The following ZNF90 variants were observed in gnomAD, a reference collection of about 807,000 sequenced individuals.
ZNF90 encodes zinc finger protein HTF9.
In ZNF90, 11 loss-of-function variants were observed where a neutral mutation model predicts 12.0. The ratio of observed to expected loss-of-function variants is 0.92; its 90% CI spans 0.58 to 1.52. The LOEUF (loss-of-function observed/expected upper bound fraction) is 1.52. Ranked by LOEUF, ZNF90 falls within the 40% of genes most tolerant of loss-of-function variation. ZNF90 has a pLI of 0.00. For missense variants in ZNF90, 765 were observed against 711.5 expected, an observed-to-expected ratio of 1.08 and a Z score of -0.86; for synonymous variants, 232 against 240.1, an observed-to-expected ratio of 0.97 and a Z score of 0.31.
rs782495788 is a variant in ZNF90 at position 20,120,191 on chromosome 19, C to A, written c.*831C>A. Among the ~76,000 whole-genome samples the A allele has an allele frequency of 1.7e-4, 26 of 152,142 alleles. No homozygotes were observed. Among genetic ancestry groups the A allele is most frequent in the Admixed American group, 1.7e-3 (26 of 15,266 alleles). The stretch of plus-strand genomic sequence containing the variant: ...AAGCTAGTATCCTTGAGAAAAATTG[C>A]ACAATTATAAAAAATATGGAAAACC... On this transcript the variant is annotated 3_prime_UTR_variant, in exon 4 of 4. Transcript: ENST00000418063.
rs959250249 is a variant in ZNF90, at chr19:20,108,489, T to C, written c.226+3173T>C. ...CACTCCCGGCTAATTTTTGTATTTT[T>C]AGTAGAGATGAGGATGGGGTTTCAC... On this transcript the variant is annotated intron_variant, in intron 3 of 3. Transcript: ENST00000418063. Among the ~76,000 whole-genome samples, 5 of 152,210 alleles carry C rather than the reference T, an allele frequency of 3.3e-5. No individual in the cohort carries two copies. The East Asian group carries it at 9.7e-4, about 29-fold the overall frequency.
intron 1 of ZNF90, among the ~76,000 whole-genome samples, chr19:20,084,116 C>T (rs10414756): frequency 0.032 from 4,777 of 150,402 alleles, 248 homozygotes; most frequent in African/African-American, 0.11. Context: ...TGCAGTGGTG[C>T]GATCTTGGCT....
At chr19:20,079,716 C>A in intron 1 of ZNF90, 1 of 185,686 alleles carries the variant, frequency 5.4e-6, no homozygotes, top group Admixed American at 5.7e-5. Flanking sequence ...CTGAGGGTAG[C>A]TCAAAGTTCA....
At chr19:20,085,335 C>T (rs990676176) in intron 1 of ZNF90, among the ~76,000 whole-genome samples, 232 of 145,846 alleles carry the variant, frequency 1.6e-3, no homozygotes, top group Non-Finnish European at 1.4e-3. Flanking sequence ...TCTCGGCTCA[C>T]TGCAAGCTCC....
At chr19:20,113,551 C>G (rs1301200176) in intron 3 of ZNF90, among the ~76,000 whole-genome samples, 2 of 150,692 alleles carry the variant, frequency 1.3e-5, no homozygotes, top group Non-Finnish European at 3.0e-5. Flanking sequence ...CTAATCTTGC[C>G]GTGTGCGGTG....
intron 3 of ZNF90, among the ~76,000 whole-genome samples, chr19:20,116,743 G>T (rs2089140015): frequency 6.6e-6 from 1 of 152,052 alleles, no homozygotes; most frequent in Non-Finnish European, 1.5e-5. Flanking sequence ...TTATTGTTTA[G>T]TTAAATGGCT....
intron 1 of ZNF90, chr19:20,080,187 C>T: frequency 3.9e-6 from 2 of 508,490 alleles, no homozygotes. Flanking sequence ...CCAGGGGCAG[C>T]ACATAATGGG....
chr19:20,119,060 TCA>T lies in ZNF90; in HGVS notation c.1509_1510del (p.His503GlnfsTer9). ...CAGCCCTTAGCACACATAAGATAAT[TCA>T]CAGTGGAGAGAATCCCTACAAATGT... is the stretch of plus-strand genomic sequence containing the variant. Reference protein sequence around the residue: ...SSALSTHKIIHSGENPYKCEE... With the variant: ...SSALSTHKIIXSGENPYKCEE... On this transcript the variant is annotated frameshift_variant, in exon 4 of 4. Transcript: ENST00000418063. LOFTEE classifies it low-confidence loss of function (END_TRUNC). 1 of 1,610,716 alleles carries T rather than the reference TCA, an allele frequency of 6.2e-7. No homozygotes were observed. Among genetic ancestry groups the T allele is most frequent in the Non-Finnish European group, 8.5e-7 (1 of 1,178,346 alleles).
At chr19:20,085,988 A>G (rs1475007347) in intron 1 of ZNF90, among the ~76,000 whole-genome samples, 2 of 152,202 alleles carry the variant, frequency 1.3e-5, no homozygotes, top group African/African-American at 4.8e-5. Flanking sequence ...ATTTAGCAAT[A>G]CAGAATGATA....
At chr19:20,087,869 G>A (rs1454298935) in intron 1 of ZNF90, among the ~76,000 whole-genome samples, 6 of 152,146 alleles carry the variant, frequency 3.9e-5, no homozygotes, top group Non-Finnish European at 8.8e-5. Flanking sequence ...TTTGTTCTCT[G>A]GTGGACAGGA....
intron 1 of ZNF90, among the ~76,000 whole-genome samples, chr19:20,100,470 T>C (rs2088980628): frequency 6.6e-6 from 1 of 152,192 alleles, no homozygotes; most frequent in African/African-American, 2.4e-5. Context: ...ACTAAAAATG[T>C]TCTTCAACTG....
chr19:20,118,270 A>C lies in ZNF90; in HGVS notation c.716A>C (p.Lys239Thr). ...YKCEDCGKEL[K>T]YSSTLTAHKR... is the part of the protein sequence containing the mutation. ...TGTGAAGATTGTGGCAAAGAATTAA[A>C]GTATTCCTCTACCCTTACTGCACAT... Residue 239 changes from lysine to threonine, a missense_variant, in exon 4 of 4, where the codon AAG becomes ACG. By Grantham distance (78) the Lys-to-Thr change is moderately conservative. Coordinates refer to ENST00000418063, the MANE Select transcript of ZNF90 (RefSeq NM_007138.2). The C allele has an allele frequency of 6.4e-7, 1 of 1,554,796 alleles. No homozygotes were observed. The highest frequency in any genetic ancestry group is 1.2e-5 in the South Asian group (1 of 84,190).
At chr19:20,093,664 G>C (rs12980980) in intron 1 of ZNF90, among the ~76,000 whole-genome samples, 15,066 of 152,138 alleles carry the variant, frequency 0.099, 963 homozygotes, top group Non-Finnish European at 0.14. Flanking sequence ...GTTGGCACCA[G>C]AGTGGGGGAG....
chr19:20,119,622 CTTTT>C lies in ZNF90; in HGVS notation c.*274_*277del. 1 of 234,232 alleles carries C rather than the reference CTTTT, an allele frequency of 4.3e-6. No individual in the cohort carries two copies. The highest frequency in any genetic ancestry group is 8.1e-6 in the Non-Finnish European group (1 of 123,378). The allele number at this position is 234,232 out of a possible 1,614,324, so 14.5% of individuals were successfully genotyped here. A position where few individuals can be genotyped will look rare whatever the true frequency, so the allele number is the denominator to read the frequency against. ...CAAAGCCTATAACAAGTTCTCAATT[CTTTT>C]TTTTTTTTTTTAAGAAGGAGTTTCA... On this transcript the variant is annotated 3_prime_UTR_variant, in exon 4 of 4. Coordinates refer to ENST00000418063, the MANE Select transcript of ZNF90 (RefSeq NM_007138.2).
At chr19:20,096,044 G>A (rs1044873338) in intron 1 of ZNF90, among the ~76,000 whole-genome samples, 2 of 152,196 alleles carry the variant, frequency 1.3e-5, no homozygotes, top group African/African-American at 2.4e-5. Flanking sequence ...TGGATAAAAC[G>A]TGTCTCCTTT....
chr19:20,087,368 G>C (rs1019279704), intron 1 of ZNF90: 12 of 152,518 alleles, frequency 7.9e-5, no homozygotes, highest in African/African-American at 2.9e-4. Context: ...TGTATCACAT[G>C]GTTTCTGAAT....
chr19:20,095,051 G>A (rs2088932265), intron 1 of ZNF90, among the ~76,000 whole-genome samples: 1 of 151,954 alleles, frequency 6.6e-6, no homozygotes, highest in Non-Finnish European at 1.5e-5. Flanking sequence ...CTGGCAATGA[G>A]CAGCCTGGGG....
chr19:20,090,485 G>A (rs1409745669), intron 1 of ZNF90, among the ~76,000 whole-genome samples: 1 of 152,204 alleles, frequency 6.6e-6, no homozygotes, highest in Non-Finnish European at 1.5e-5. Flanking sequence ...TTCTGGAATG[G>A]TGAACCCAGT....
In ZNF90 at chr19:20,119,223, A is replaced by T. The variant is rs782493692; in HGVS notation, c.1669A>T (p.Ile557Leu). 2 of 1,613,880 alleles carry T rather than the reference A, an allele frequency of 1.2e-6. No homozygotes were observed. The highest frequency in any genetic ancestry group is 2.2e-5 in the South Asian group (2 of 91,036). ...KRSSQLTSHK[I>L]SHTGEKPYKC... Reference sequence around the variant, plus strand: ...CTCCTCACAGCTTACTAGTCATAAGATAAGTCATACTGGAGAGAAACCCTA... The same window carrying T: ...CTCCTCACAGCTTACTAGTCATAAGTTAAGTCATACTGGAGAGAAACCCTA... Residue 557 changes from isoleucine to leucine, a missense_variant, in exon 4 of 4, where the codon ATA becomes TTA. Ile to Leu is a conservative substitution (Grantham distance 5, BLOSUM62 2). Coordinates refer to ENST00000418063, the MANE Select transcript of ZNF90 (RefSeq NM_007138.2).
Sources: allele counts gnomAD v4.1 joint callset (sites outside exome capture counted in the v4.1 genomes callset), GRCh38; gene constraint gnomAD v4.1.1; transcripts MANE v1.5; gene names NCBI Gene and HGNC (gene_info 2026-07-23, HGNC 2026-07-21).